The following LRP1B variants were observed in gnomAD, a reference collection of about 807,000 sequenced individuals.
LRP1B encodes LDL receptor related protein 1B.
In LRP1B, 217 loss-of-function variants were observed where a neutral mutation model predicts 556.6. The observed-to-expected ratio is 0.39, with a 90% CI of 0.35 to 0.44. The LOEUF is 0.44. Ranked by LOEUF, LRP1B falls within the 20% of genes least tolerant of loss-of-function variation. The pLI is 1.00. For synonymous variants in LRP1B, 2,047 were observed against 1,865.8 expected, an observed-to-expected ratio of 1.10 and a Z score of -2.50; for missense variants, 5,053 against 5,620.8, an observed-to-expected ratio of 0.90 and a Z score of 3.23.
chr2:141,903,157 T>A (rs1699669398), intron 1 of LRP1B, among the ~76,000 whole-genome samples: 1 of 150,444 alleles, frequency 6.6e-6, no homozygotes, highest in African/African-American at 2.4e-5. Context: ...CTTTTTTTTT[T>A]ACTACTTTAA....
At chr2:142,102,797 A>T (rs1193007438) in intron 1 of LRP1B, among the ~76,000 whole-genome samples, 2 of 151,834 alleles carry the variant, frequency 1.3e-5, no homozygotes, top group African/African-American at 2.4e-5. Context: ...CCATAACAAA[A>T]TAAAAATATT....
At chr2:141,847,972 C>T (rs1044545278) in intron 1 of LRP1B, among the ~76,000 whole-genome samples, 3 of 151,018 alleles carry the variant, frequency 2.0e-5, no homozygotes, top group African/African-American at 7.3e-5. Flanking sequence ...ATAATATTTA[C>T]AAAATAGAAA....
chr2:140,888,687 G>A (rs560605725), intron 23 of LRP1B, among the ~76,000 whole-genome samples: 3 of 152,168 alleles, frequency 2.0e-5, no homozygotes, highest in South Asian at 4.2e-4. Flanking sequence ...TAGAAGGACA[G>A]GTGCGGTGGC....
At chr2:141,659,095 G>A (rs753696) in intron 2 of LRP1B, among the ~76,000 whole-genome samples, 60,981 of 151,564 alleles carry the variant, frequency 0.4, 12,655 homozygotes, top group Middle Eastern at 0.46. Flanking sequence ...TGAGAGATGG[G>A]GTCTCCCTGT....
At chr2:141,925,171 C>T (rs1414918799) in intron 1 of LRP1B, among the ~76,000 whole-genome samples, 3 of 152,060 alleles carry the variant, frequency 2.0e-5, no homozygotes, top group Non-Finnish European at 2.9e-5. Flanking sequence ...TAAATTCATA[C>T]GGTAATTTGA....
intron 19 of LRP1B, among the ~76,000 whole-genome samples, chr2:140,950,737 C>T (rs905525362): frequency 2.0e-5 from 3 of 152,088 alleles, no homozygotes; most frequent in Admixed American, 6.6e-5. Flanking sequence ...AGCAATCCAC[C>T]CTCCTCGGCC....
At chr2:140,650,252 G>C (rs1174731585) in intron 41 of LRP1B, among the ~76,000 whole-genome samples, 1 of 151,548 alleles carries the variant, frequency 6.6e-6, no homozygotes. Flanking sequence ...ATTTAAAAGA[G>C]AGGAAGGCAA....
chr2:140,565,016 A>AT (rs1197862910), intron 43 of LRP1B, among the ~76,000 whole-genome samples: 2 of 151,870 alleles, frequency 1.3e-5, no homozygotes, highest in Admixed American at 6.6e-5. Context: ...TTACTTTAGG[A>AT]TTTTTTTATT....
intron 1 of LRP1B, among the ~76,000 whole-genome samples, chr2:141,878,689 C>G (rs1173477344): frequency 6.6e-6 from 1 of 151,806 alleles, no homozygotes; most frequent in Non-Finnish European, 1.5e-5. Context: ...TATTAATGAA[C>G]AATTTAAATA....
chr2:141,688,236 A>G (rs1226813131), intron 2 of LRP1B, among the ~76,000 whole-genome samples: 1 of 151,690 alleles, frequency 6.6e-6, no homozygotes, highest in Non-Finnish European at 1.5e-5. Flanking sequence ...CTATTCTCAC[A>G]TGTATATTAC....
chr2:140,755,142 G>C (rs1227829312), intron 35 of LRP1B, among the ~76,000 whole-genome samples: 1 of 151,912 alleles, frequency 6.6e-6, no homozygotes, highest in African/African-American at 2.4e-5. Context: ...CATATGAACA[G>C]ATCTATAACA....
chr2:140,423,974 T>G (rs182006275), intron 66 of LRP1B, among the ~76,000 whole-genome samples: 1 of 152,310 alleles, frequency 6.6e-6, no homozygotes, highest in African/African-American at 2.4e-5. Flanking sequence ...ATTCTGTTAA[T>G]GAATAATGTT....
At chr2:141,518,932 AAGAG>A (rs1234053320) in intron 2 of LRP1B, among the ~76,000 whole-genome samples, 1 of 152,140 alleles carries the variant, frequency 6.6e-6, no homozygotes, top group Non-Finnish European at 1.5e-5. Context: ...CCTGGACAAC[AAGAG>A]TGAAACTCCT....
rs997222599 is a variant in LRP1B, at chr2:141,613,945, C to T, written c.206-133412G>A. Among the ~76,000 whole-genome samples the T allele has an allele frequency of 2.1e-4, 32 of 151,042 alleles. No homozygotes were observed. In the South Asian group the frequency reaches 6.3e-3, roughly 30 times the overall value. ...AAAATCAGCCAGGTGTAGTGGCAGG[C>T]GCCTATAATCCCAGCTACTCGGGAG... On this transcript the variant is annotated intron_variant, in intron 2 of 90. Transcript: ENST00000389484.
At chr2:141,235,189 C>T (rs910130079) in intron 5 of LRP1B, among the ~76,000 whole-genome samples, 1 of 151,786 alleles carries the variant, frequency 6.6e-6, no homozygotes, top group African/African-American at 2.4e-5. Context: ...CTTAGCACTA[C>T]CTTTTATCAT....
chr2:140,950,482 T>TGTG, intron 19 of LRP1B, 80 bp from the exon 20 acceptor site: 1 of 1,094,330 alleles, frequency 9.1e-7, no homozygotes, highest in Non-Finnish European at 1.3e-6. Flanking sequence ...AACTGGTTTC[T>TGTG]GTTGTTGTTG....
Position 140,959,403 on chromosome 2 carries a change from C to A in LRP1B, c.2888-7463G>T, listed in dbSNP as rs114405835. 3.6e-3 allele frequency among the ~76,000 whole-genome samples: 543 copies of A among 151,394 alleles called. 4 individuals carry two copies. The highest frequency in any genetic ancestry group is 0.013 in the African/African-American group (529 of 41,404). ...GTTTTTTTAATACATTTTAGCACAA[C>A]AGAAAAATCTTCCAAGTCAAAGAAT... On this transcript the variant is annotated intron_variant, in intron 18 of 90. Coordinates refer to ENST00000389484, the MANE Select transcript of LRP1B (RefSeq NM_018557.3).
chr2:141,575,487 C>T (rs1344419537), intron 2 of LRP1B, among the ~76,000 whole-genome samples: 1 of 152,152 alleles, frequency 6.6e-6, no homozygotes, highest in African/African-American at 2.4e-5. Context: ...AAACCCCAAA[C>T]CATAAAAACC....
chr2:140,626,157 CCTT>C (rs1325405294), intron 41 of LRP1B, among the ~76,000 whole-genome samples: 59 of 152,040 alleles, frequency 3.9e-4, no homozygotes, highest in African/African-American at 1.4e-3. Context: ...CCATATATGA[CCTT>C]CTATGGCAAA....
Sources: gnomAD v4.1 joint callset for allele counts (sites outside exome capture counted in the v4.1 genomes callset) on GRCh38, gnomAD v4.1.1 for gene constraint, MANE v1.5 for transcripts, NCBI Gene and HGNC (gene_info 2026-07-23, HGNC 2026-07-21) for gene names.